Variants in USP54 observed in about 807,000 individuals in gnomAD.
USP54 encodes ubiquitin specific peptidase 54.
USP54 carries 87 observed loss-of-function variants against 170.5 expected under a neutral mutation model. That is an observed-to-expected ratio of 0.51 (90% CI 0.43 to 0.61). The LOEUF is 0.61. Among genes scored for constraint, USP54 ranks in the 20% least tolerant of loss-of-function variants. The probability of loss-of-function intolerance (pLI) is 0.00; values close to 1 mark genes in which losing one functional copy is unlikely to be tolerated. For synonymous variants in USP54, 655 were observed against 742.8 expected (o/e 0.88, Z 1.92); for missense variants, 1,786 against 2,047.8 (o/e 0.87, Z 2.47).
chr10:73,622,115 C>T (rs148362582), intron 1 of USP54, among the ~76,000 whole-genome samples: 4 of 152,200 alleles, frequency 2.6e-5, no homozygotes, highest in African/African-American at 9.6e-5. Flanking sequence ...TCTATTCTAC[C>T]ATCTACTAGC....
At chr10:73,564,422 T>C (rs1229597164) in intron 4 of USP54, among the ~76,000 whole-genome samples, 1 of 152,232 alleles carries the variant, frequency 6.6e-6, no homozygotes, top group Non-Finnish European at 1.5e-5. Context: ...ATTTTCTCCT[T>C]AGATTCACAG....
intron 7 of USP54, chr10:73,542,038 A>C: frequency 7.9e-6 from 3 of 381,598 alleles, no homozygotes; most frequent in Non-Finnish European, 1.5e-5. Flanking sequence ...ACTGTTCTGC[A>C]TTCCTACAAT....
intron 4 of USP54, among the ~76,000 whole-genome samples, chr10:73,556,345 CTTT>C (rs954299268): frequency 3.0e-5 from 4 of 133,834 alleles, no homozygotes; most frequent in Non-Finnish European, 3.2e-5. Context: ...CTTTTTTTTT[CTTT>C]TTTTTTTTTT....
intron 5 of USP54, among the ~76,000 whole-genome samples, 167 bp downstream of exon 5, chr10:73,545,371 C>T (rs1187254554): frequency 6.6e-6 from 1 of 152,144 alleles, no homozygotes; most frequent in Non-Finnish European, 1.5e-5. Flanking sequence ...AATAATAACA[C>T]ACTGCTATAA....
rs1213977626 is a variant in USP54 at position 73,516,495 on chromosome 10, C to T, written c.3931G>A (p.Asp1311Asn). Residue 1311 changes from aspartate to asparagine, a missense_variant, in exon 20 of 24, where the codon GAC becomes AAC. Transcript: ENST00000687698. ...AATTCTGAGGTCTCCTGCTCTGTGT[C>T]TTGGTTCCAATGTGGATGCAAAAGG... ...HILLHPHWNQ[D>N]TEQETSELES... 6.2e-7 allele frequency: 1 copy of T among 1,614,174 alleles called. No homozygotes were observed. Among genetic ancestry groups the T allele is most frequent in the Non-Finnish European group, 8.5e-7 (1 of 1,180,034 alleles).
chr10:73,555,791 T>C (rs2070824952), intron 4 of USP54, among the ~76,000 whole-genome samples: 1 of 152,188 alleles, frequency 6.6e-6, no homozygotes, highest in Non-Finnish European at 1.5e-5. Flanking sequence ...GGTTTTGAGA[T>C]TGTCTAAACT....
At chr10:73,511,734 C>A (rs2060247549) in intron 20 of USP54, among the ~76,000 whole-genome samples, 1 of 150,108 alleles carries the variant, frequency 6.7e-6, no homozygotes, top group Non-Finnish European at 1.5e-5. Context: ...AAAGAACTCT[C>A]AAATTATATT....
chr10:73,502,467 C>T (rs771179745), intron 22 of USP54, among the ~76,000 whole-genome samples: 3 of 152,304 alleles, frequency 2.0e-5, no homozygotes, highest in South Asian at 2.1e-4. Flanking sequence ...CACCCGCCAC[C>T]GCGCCCAGCT....
At chr10:73,556,144 G>C (rs1413789717) in intron 4 of USP54, among the ~76,000 whole-genome samples, 1 of 151,994 alleles carries the variant, frequency 6.6e-6, no homozygotes, top group Non-Finnish European at 1.5e-5. Context: ...CCTTATGTGA[G>C]AGCTGTTTAT....
Position 73,500,789 on chromosome 10 carries a change from C to A in USP54, c.4361G>T (p.Ser1454Ile). The A allele has an allele frequency of 6.2e-7, 1 of 1,600,952 alleles. No individual in the cohort carries two copies. The highest frequency in any genetic ancestry group is 1.1e-5 in the South Asian group (1 of 89,436). Residue 1454 changes from serine to isoleucine, a missense_variant, in exon 23 of 24, where the codon AGC becomes ATC. Ser to Ile is a moderately radical substitution (Grantham distance 142, BLOSUM62 -2). Around this residue, in one of 3 missense-constraint regions of USP54, gnomAD observed 1,418 missense variants for 1,569.0 expected, o/e 0.90. Coordinates refer to ENST00000687698, the MANE Select transcript of USP54 (RefSeq NM_001391956.1). ...ATGGATGACAGGGAGGGAAGAGGAGCTGGAACAACGGTGCCCGGTTTCCAA... is the reference window on the plus strand; with the variant it reads ...ATGGATGACAGGGAGGGAAGAGGAGATGGAACAACGGTGCCCGGTTTCCAA... ...KPLETGHRCS[S>I]SSSLPVIHDP...
intron 5 of USP54, 139 bp downstream of exon 5, chr10:73,545,399 C>A (rs111359569): frequency 3.5e-6 from 4 of 1,138,752 alleles, no homozygotes; most frequent in African/African-American, 3.1e-5. Context: ...ATTTTAGATC[C>A]CTGAAAAATC....
intron 4 of USP54, among the ~76,000 whole-genome samples, chr10:73,565,763 T>A (rs1190317189): frequency 2.6e-5 from 4 of 152,198 alleles, no homozygotes; most frequent in East Asian, 1.9e-4. Flanking sequence ...CCTGGGCATG[T>A]GTACAAAAGA....
intron 12 of USP54, among the ~76,000 whole-genome samples, chr10:73,532,833 A>G (rs1320905235): frequency 6.6e-6 from 1 of 152,204 alleles, no homozygotes; most frequent in African/African-American, 2.4e-5. Context: ...AAAATAGAGG[A>G]AAAAACAGTA....
rs772571067 is a variant in USP54 at position 73,517,027 on chromosome 10, A to G, written c.3399T>C (p.Ala1133=). 6.2e-7 allele frequency: 1 copy of G among 1,614,118 alleles called. No homozygotes were observed. The highest frequency in any genetic ancestry group is 2.2e-5 in the East Asian group (1 of 44,906). ...CACCCTGCATCCTCTGGAACTGCTC[A>G]GCCAGAGAACGGACAAGCCCCTTTG... ...PSTKGLVRSL[A]EQFQRMQGVS... is the part of the protein sequence containing the mutation. Residue 1133 remains alanine (A), a synonymous_variant, in exon 20 of 24, where the codon GCT becomes GCC. Transcript: ENST00000687698.
chr10:73,505,482 C>A (rs1433024524), intron 20 of USP54, 56 bp from the exon 21 acceptor site: 3 of 1,433,748 alleles, frequency 2.1e-6, no homozygotes, highest in Non-Finnish European at 2.9e-6. Flanking sequence ...AGGGCCTAAC[C>A]TCTAAGCCTA....
At chr10:73,545,062 G>GAACAC (rs1418307038) in intron 5 of USP54, among the ~76,000 whole-genome samples, 1 of 152,136 alleles carries the variant, frequency 6.6e-6, no homozygotes, top group East Asian at 1.9e-4. Context: ...TTGATGTATA[G>GAACAC]AACACAGAGT....
intron 1 of USP54, among the ~76,000 whole-genome samples, chr10:73,605,391 G>A (rs1446813375): frequency 6.6e-6 from 1 of 152,038 alleles, no homozygotes; most frequent in Non-Finnish European, 1.5e-5. Flanking sequence ...GTTGGATGTG[G>A]TGGTGTGTGC....
At position 73,571,475 on chromosome 10, in the gene USP54, C is replaced by T. The variant is rs1318123613; in HGVS notation, c.186G>A (p.Arg62=). Residue 62 remains arginine (R), a synonymous_variant, in exon 4 of 24, where the codon AGG becomes AGA. Coordinates refer to ENST00000687698, the MANE Select transcript of USP54 (RefSeq NM_001391956.1). Reference sequence around the variant, plus strand: ...CCATGCACTTGTGAGTTGTAAGCTGCCTAAAGCTACGTCGGAAGATATCCA... The same window carrying T: ...CCATGCACTTGTGAGTTGTAAGCTGTCTAAAGCTACGTCGGAAGATATCCA... ...WHLDIFRRSF[R]QLTTHKCMGD... The T allele has an allele frequency of 1.2e-6, 2 of 1,613,714 alleles. No homozygotes were observed. Among genetic ancestry groups the T allele is most frequent in the Non-Finnish European group, 1.7e-6 (2 of 1,179,910 alleles).
Position 73,517,431 on chromosome 10 carries a change from G to C in USP54, c.2995C>G (p.Leu999Val), listed in dbSNP as rs775100070. ...WEPLDAPEGK[L>V]QGSRCDNSSC... is the part of the protein sequence containing the mutation. Reference sequence around the variant, plus strand: ...CTGTTGTCACACCTAGAGCCTTGCAGCTTACCCTCTGGGGCATCCAATGGC... The same window carrying C: ...CTGTTGTCACACCTAGAGCCTTGCACCTTACCCTCTGGGGCATCCAATGGC... Residue 999 changes from leucine (L) to valine (V), a missense_variant, in exon 20 of 24, where the codon CTG (leucine) becomes GTG (valine). Leu to Val is a conservative substitution (Grantham distance 32). Coordinates refer to ENST00000687698, the MANE Select transcript of USP54 (RefSeq NM_001391956.1). 9.9e-6 allele frequency: 16 copies of C among 1,614,080 alleles called. No individual in the cohort carries two copies. The highest frequency in any genetic ancestry group is 1.3e-5 in the African/African-American group (1 of 74,938).
Sources: gnomAD v4.1 joint callset for allele counts (sites outside exome capture counted in the v4.1 genomes callset) on GRCh38, gnomAD v4.1.1 for gene constraint, gnomAD v4.1.1 regional missense constraint, MANE v1.5 for transcripts, NCBI Gene and HGNC (gene_info 2026-07-23, HGNC 2026-07-21) for gene names.